The following ATAD2B variants were observed in gnomAD, a reference collection of about 807,000 sequenced individuals.
The protein encoded by ATAD2B is ATPase family AAA domain-containing protein 2B.
In ATAD2B, 40 loss-of-function variants were observed where a neutral mutation model predicts 167.6. The ratio of observed to expected loss-of-function variants is 0.24; its 90% CI spans 0.19 to 0.31. The LOEUF (loss-of-function observed/expected upper bound fraction) is 0.31. Among genes scored for constraint, ATAD2B ranks in the 10% least tolerant of loss-of-function variants. ATAD2B has a pLI of 1.00. For missense variants in ATAD2B, 1,242 were observed against 1,757.2 expected, an observed-to-expected ratio of 0.71 and a Z score of 5.24; for synonymous variants, 579 against 596.5, an observed-to-expected ratio of 0.97 and a Z score of 0.43.
rs557493293 is a variant in ATAD2B at position 23,839,368 on chromosome 2, T to TTTGTTG, written c.1569-5296_1569-5291dup. Reference sequence around the variant, plus strand: ...ATTTCATGTTTGAACATTAAGTCTGTTTGTTGTAAGTTTTTCTGCAGCTAC... The same window carrying TTTGTTG: ...ATTTCATGTTTGAACATTAAGTCTGTTTGTTGTTGTTGTAAGTTTTTCTGCAGCTAC... On this transcript the variant is annotated intron_variant, in intron 13 of 27. Transcript: ENST00000238789. Among the ~76,000 whole-genome samples the TTTGTTG allele has an allele frequency of 1.4e-4, 21 of 152,262 alleles. No individual in the cohort carries two copies. The South Asian group carries it at 4.3e-3, about 32-fold the overall frequency.
chr2:23,834,152 CTTTTT>C (rs11378615), intron 13 of ATAD2B, 74 bp from the exon 14 acceptor site: 160 of 119,562 alleles, frequency 1.3e-3, no homozygotes, highest in Middle Eastern at 4.0e-3. Flanking sequence ...ATCAGTCTTT[CTTTTT>C]TTTTTTTTTT....
intron 1 of ATAD2B, among the ~76,000 whole-genome samples, chr2:23,899,809 TTGAACTCCCAAACTTG>T (rs778292482): frequency 4.3e-4 from 66 of 151,892 alleles, no homozygotes; most frequent in Middle Eastern, 6.8e-3. Context: ...CAGGCTGGTC[TTGAACTCCCAAACTTG>T]TGATCCGCCT....
chr2:23,703,731 C>T, the ATAD2B span: 1 of 1,536,286 alleles, frequency 6.5e-7, no homozygotes, highest in South Asian at 1.2e-5. Context: ...AACAAGTATG[C>T]CCCCGCTGTC....
chr2:23,694,296 C>T, the ATAD2B span, among the ~76,000 whole-genome samples: 1 of 152,212 alleles, frequency 6.6e-6, no homozygotes, highest in Admixed American at 6.5e-5. Context: ...TCTCCCATAG[C>T]CATTTCGCTA....
At chr2:23,787,114 T>C (rs953505529) in intron 20 of ATAD2B, among the ~76,000 whole-genome samples, 20 of 150,550 alleles carry the variant, frequency 1.3e-4, no homozygotes, top group African/African-American at 2.4e-4. Context: ...CAGTCCTAAG[T>C]GTCATATGTA....
intron 7 of ATAD2B, among the ~76,000 whole-genome samples, chr2:23,878,092 G>A (rs1697301879): frequency 6.7e-6 from 1 of 149,970 alleles, no homozygotes; most frequent in South Asian, 2.1e-4. Context: ...CAGGCATGGT[G>A]GCTCAGGTCT....
intron 16 of ATAD2B, 125 bp downstream of exon 16, chr2:23,823,133 A>T: frequency 1.2e-6 from 1 of 848,332 alleles, no homozygotes; most frequent in Non-Finnish European, 1.8e-6. Flanking sequence ...CAGGCCTGGA[A>T]TATATAGTAC....
rs1164418988 is a variant in ATAD2B at position 23,810,498 on chromosome 2, G to T, written c.2272C>A (p.Pro758Thr). 1 of 1,612,752 alleles carries T rather than the reference G, an allele frequency of 6.2e-7. No homozygotes were observed. Among genetic ancestry groups the T allele is most frequent in the Admixed American group, 1.7e-5 (1 of 60,014 alleles). ...HKPYLHFTMS[P>T]YHQPTSYRPR... is the part of the protein sequence containing the mutation. ...CTGTAAGAGGTTGGCTGATGATATG[G>T]TGACCTGTAATACATGTAAGACATA... The change falls in exon 18 of 28, where the codon CCA (proline) becomes ACA (threonine). Residue 758 changes from proline (P) to threonine (T), a missense_variant. This residue lies in a region of ATAD2B where 145 missense variants were observed against 181.9 expected (regional missense o/e 0.80). Transcript: ENST00000238789.
chr2:23,856,833 C>A (rs13018185), intron 13 of ATAD2B, among the ~76,000 whole-genome samples: 1 of 152,022 alleles, frequency 6.6e-6, no homozygotes, highest in African/African-American at 2.4e-5. Flanking sequence ...GCACTCCAGC[C>A]TGGGTGACAG....
At chr2:23,796,198 G>A (rs879429858) in intron 19 of ATAD2B, among the ~76,000 whole-genome samples, 6 of 152,112 alleles carry the variant, frequency 3.9e-5, no homozygotes, top group Non-Finnish European at 4.4e-5. Context: ...CCACAAATAC[G>A]ATATCCACGA....
intron 1 of ATAD2B, among the ~76,000 whole-genome samples, chr2:23,911,051 A>G (rs891135586): frequency 4.0e-5 from 6 of 148,656 alleles, no homozygotes; most frequent in African/African-American, 1.5e-4. Flanking sequence ...ACATGGAGAA[A>G]CCCCATCTCT....
intron 18 of ATAD2B, among the ~76,000 whole-genome samples, chr2:23,807,031 C>T (rs1684498038): frequency 6.6e-6 from 1 of 152,218 alleles, no homozygotes; most frequent in South Asian, 2.1e-4. Flanking sequence ...TCTAGCCAGG[C>T]ATGGCTCTCT....
chr2:23,924,406 A>C (rs939125483), intron 1 of ATAD2B, among the ~76,000 whole-genome samples: 2 of 152,230 alleles, frequency 1.3e-5, no homozygotes, highest in African/African-American at 4.8e-5. Flanking sequence ...GTCTTTAAGT[A>C]CTCCAGAAAG....
intron 1 of ATAD2B, among the ~76,000 whole-genome samples, chr2:23,911,614 G>A (rs1702319403): frequency 6.6e-6 from 1 of 151,958 alleles, no homozygotes; most frequent in African/African-American, 2.4e-5. Context: ...GACGGGGAGG[G>A]GGAGGGGGCG....
chr2:23,839,369 T>C (rs1317022398), intron 13 of ATAD2B, among the ~76,000 whole-genome samples: 2 of 152,070 alleles, frequency 1.3e-5, no homozygotes, highest in Non-Finnish European at 2.9e-5. Flanking sequence ...TTAAGTCTGT[T>C]TGTTGTAAGT....
Position 23,828,931 on chromosome 2 carries a change from T to C in ATAD2B, c.1737A>G (p.Lys579=). Residue 579 remains lysine (K), a synonymous_variant, in exon 15 of 28, where the codon AAA becomes AAG. Transcript: ENST00000238789. ...CCCTGGTATGGATCTGTAAGATGTG[T>C]TTTCTTGCCTAAGATGAAAAGCACA... ...LFNLPDQKAR[K]HILQIHTRDW... 2 of 1,598,650 alleles carry C rather than the reference T, an allele frequency of 1.3e-6. No individual in the cohort carries two copies. The highest frequency in any genetic ancestry group is 1.7e-6 in the Non-Finnish European group (2 of 1,170,650).
At chr2:23,747,422 T>C (rs1674954085), downstream of ATAD2B, among the ~76,000 whole-genome samples, 1 of 151,844 alleles carries the variant, frequency 6.6e-6, no homozygotes, top group African/African-American at 2.4e-5. Flanking sequence ...ATACATCTGA[T>C]GTAATATGAA....
Position 23,757,610 on chromosome 2 carries a change from A to G in ATAD2B, c.3886T>C (p.Cys1296Arg). 6.2e-7 allele frequency: 1 copy of G among 1,613,812 alleles called. No homozygotes were observed. Among genetic ancestry groups the G allele is most frequent in the Non-Finnish European group, 8.5e-7 (1 of 1,179,736 alleles). Reference sequence around the variant, plus strand: ...GAACTACATTTATCTCCACTATCACAGAAAGAAACTACTTCAAGCTTGCCA... The same window carrying G: ...GAACTACATTTATCTCCACTATCACGGAAAGAAACTACTTCAAGCTTGCCA... ...QNGKLEVVSF[C>R]DSGDKCSSEQ... The change falls in exon 25 of 28, where the codon TGT (cysteine) becomes CGT (arginine). Residue 1296 changes from cysteine (C) to arginine (R), a missense_variant. Transcript: ENST00000238789.
At chr2:23,706,407 C>A in the ATAD2B span, 1 of 1,213,664 alleles carries the variant, frequency 8.2e-7, no homozygotes, top group Non-Finnish European at 1.1e-6. Context: ...CAACAGGACA[C>A]GACGTTGAGA....
Sources: gnomAD v4.1 joint callset for allele counts (sites outside exome capture counted in the v4.1 genomes callset) on GRCh38, gnomAD v4.1.1 for gene constraint, gnomAD v4.1.1 regional missense constraint, MANE v1.5 for transcripts, NCBI Gene and HGNC (gene_info 2026-07-23, HGNC 2026-07-21) for gene names.